CYP2S1: variants seen among roughly 807,000 people sequenced by gnomAD.
CYP2S1 encodes cytochrome P450 2S1.
Under a neutral mutation model 43.5 loss-of-function variants are expected in CYP2S1, and 32 were observed. That is an observed-to-expected ratio of 0.74 (90% CI 0.56 to 0.99). The LOEUF is 0.99. Among genes scored for constraint, CYP2S1 ranks in the 50% least tolerant of loss-of-function variants. The pLI is 0.00. For missense variants in CYP2S1, 575 were observed against 673.9 expected, an observed-to-expected ratio of 0.85 and a Z score of 1.62; for synonymous variants, 283 against 302.9, an observed-to-expected ratio of 0.93 and a Z score of 0.68.
At chr19:41,200,745 C>A (rs1318766153) in intron 5 of CYP2S1, among the ~76,000 whole-genome samples, 1 of 152,080 alleles carries the variant, frequency 6.6e-6, no homozygotes, top group African/African-American at 2.4e-5. Flanking sequence ...TGACTAATAA[C>A]AAAAACACAG....
Position 41,206,276 on chromosome 19 carries a change from C to T in CYP2S1, c.1307-4C>T. The T allele has an allele frequency of 6.2e-7, 1 of 1,613,976 alleles. No individual in the cohort carries two copies. Among genetic ancestry groups the T allele is most frequent in the Non-Finnish European group, 8.5e-7 (1 of 1,180,020 alleles). On this transcript the variant is annotated splice_region_variant and splice_polypyrimidine_tract_variant and intron_variant, in intron 8 of 8. Coordinates refer to ENST00000310054, the MANE Select transcript of CYP2S1 (RefSeq NM_030622.8). ...AGCCCTCTCTCTCTCTCTCTCCTCA[C>T]CAGGGAAGCGTGTCTGCCTTGGAGA...
At chr19:41,196,868 A>G (rs1352464240) in intron 2 of CYP2S1, among the ~76,000 whole-genome samples, 1 of 152,106 alleles carries the variant, frequency 6.6e-6, no homozygotes, top group East Asian at 1.9e-4. Flanking sequence ...GATGGAAGGA[A>G]GGAAGGAGGA....
Position 41,197,775 on chromosome 19 carries a change from G to T in CYP2S1, c.344-4G>T, listed in dbSNP as rs762417573. 8 of 1,613,802 alleles carry T rather than the reference G, an allele frequency of 5.0e-6. No individual in the cohort carries two copies. In the Admixed American group the frequency reaches 5.0e-5, roughly 10 times the overall value. On this transcript the variant is annotated splice_region_variant and splice_polypyrimidine_tract_variant and intron_variant, in intron 2 of 8. Transcript: ENST00000310054. ...TCCCTTTTTGAGTCTAGCCTTCTGCGCAGGGGTTTTCTTCTCCAACGGGGA... is the reference window on the plus strand; with the variant it reads ...TCCCTTTTTGAGTCTAGCCTTCTGCTCAGGGGTTTTCTTCTCCAACGGGGA...
rs1246434264 is a variant in CYP2S1 at position 41,206,352 on chromosome 19, C to T, written c.1379C>T (p.Ala460Val). Residue 460 changes from alanine (A) to valine (V), a missense_variant, in exon 9 of 9, where the codon GCC (alanine) becomes GTC (valine). Physicochemically the swap from Ala to Val is moderately conservative, Grantham distance 64. Transcript: ENST00000310054. ...CTCTTCTTCACCACCATCCTACAAG[C>T]CTTCTCCCTGGAGAGCCCGTGCCCG... ...LFLFFTTILQ[A>V]FSLESPCPPD... 6.2e-7 allele frequency: 1 copy of T among 1,614,040 alleles called. No individual in the cohort carries two copies. Among genetic ancestry groups the T allele is most frequent in the African/African-American group, 1.3e-5 (1 of 74,916 alleles).
intron 7 of CYP2S1, among the ~76,000 whole-genome samples, chr19:41,205,422 CTCTCTCTCTCTT>C (rs1219147682): frequency 0.013 from 454 of 33,744 alleles, 3 homozygotes; most frequent in African/African-American, 0.038. Context: ...CTTTCTTTCT[CTCTCTCTCTCTT>C]TCTTTCTTTT....
chr19:41,206,458 T>A lies in CYP2S1; in HGVS notation c.1485T>A (p.Thr495=), dbSNP rs756944997. The change falls in exon 9 of 9, where the codon ACT becomes ACA. Residue 495 remains threonine (T), a synonymous_variant. Coordinates refer to ENST00000310054, the MANE Select transcript of CYP2S1 (RefSeq NM_030622.8). ...PPAFQLQVRP[T]DLHSTTQTR is the part of the protein sequence containing the mutation. ...CCTTCCAGCTGCAAGTCCGTCCCAC[T>A]GACCTTCACTCCACCACGCAGACCA... 1.9e-6 allele frequency: 3 copies of A among 1,614,128 alleles called. No homozygotes were observed. In the South Asian group the frequency reaches 3.3e-5, roughly 18 times the overall value.
At chr19:41,197,646 G>C in intron 2 of CYP2S1, 133 bp from the exon 3 acceptor site, 1 of 1,364,144 alleles carries the variant, frequency 7.3e-7, no homozygotes, top group Non-Finnish European at 1.0e-6. Flanking sequence ...GTTGCAGTGA[G>C]ACGAGATCAC....
In CYP2S1 at chr19:41,193,491, G is replaced by A. The variant is rs575040372; in HGVS notation, c.177+50G>A. ...GCTAGGGGTGGGAGGATTCCTGGGA[G>A]AGAAACCCGAGTGCCAGGGTGAGGG... is the stretch of plus-strand genomic sequence containing the variant. On this transcript the variant is annotated intron_variant, in intron 1 of 8. Transcript: ENST00000310054. 10 of 1,392,728 alleles carry A rather than the reference G, an allele frequency of 7.2e-6. No individual in the cohort carries two copies. The African/African-American group carries it at 1.5e-4, about 21-fold the overall frequency. The allele number at this position is 1,392,728 out of a possible 1,614,324, so 86.3% of individuals were successfully genotyped here.
At chr19:41,200,897 C>T (rs533447344) in intron 5 of CYP2S1, among the ~76,000 whole-genome samples, 3 of 152,124 alleles carry the variant, frequency 2.0e-5, no homozygotes, top group Admixed American at 1.3e-4. Context: ...GGCCAACATG[C>T]AGAAACCCCG....
Position 41,206,630 on chromosome 19 carries a change from C to A in CYP2S1, c.*142C>A. ...TGCAGTTGTTTTCCGGAGTCTGTCC[C>A]ACGGCCCACACGCTCACTTGACTCA... On this transcript the variant is annotated 3_prime_UTR_variant, in exon 9 of 9. Transcript: ENST00000310054. The A allele has an allele frequency of 2.0e-6, 2 of 1,010,338 alleles. No homozygotes were observed. The highest frequency in any genetic ancestry group is 3.1e-6 in the Non-Finnish European group (2 of 641,366). The allele number at this position is 1,010,338 out of a possible 1,614,324, so 62.6% of individuals were successfully genotyped here.
At chr19:41,195,058 G>T (rs1488191356) in intron 2 of CYP2S1, among the ~76,000 whole-genome samples, 1 of 152,200 alleles carries the variant, frequency 6.6e-6, no homozygotes, top group East Asian at 1.9e-4. Context: ...AGATGTTGCA[G>T]TGAACCAAGA....
intron 7 of CYP2S1, among the ~76,000 whole-genome samples, chr19:41,205,437 TTTC>T (rs1479121483): frequency 1.8e-5 from 2 of 113,122 alleles, no homozygotes; most frequent in Non-Finnish European, 3.6e-5. Flanking sequence ...TCTCTCTTTC[TTTC>T]TTTTCTTTTT....
chr19:41,193,693 A>G (rs540286040), intron 1 of CYP2S1: 9 of 626,934 alleles, frequency 1.4e-5, no homozygotes, highest in African/African-American at 1.1e-4. Flanking sequence ...ACCTCTGCCT[A>G]CAGAATCCTG....
chr19:41,207,029 T>TACGGC lies in CYP2S1; in HGVS notation c.*541_*542insACGGC. On this transcript the variant is annotated 3_prime_UTR_variant, in exon 9 of 9. Transcript: ENST00000310054. ...TTGGCTACACCACTCTCCCAGCCTGTGACCACCGATGTCCACACACCCCCA... is the reference window on the plus strand; with the variant it reads ...TTGGCTACACCACTCTCCCAGCCTGTACGGCGACCACCGATGTCCACACACCCCCA... The TACGGC allele has an allele frequency of 3.2e-5, 8 of 246,596 alleles. No homozygotes were observed. The highest frequency in any genetic ancestry group is 5.8e-5 in the Non-Finnish European group (7 of 120,982). 15.3% of individuals were successfully genotyped at this position (246,596 alleles called of 1,614,324 possible).
chr19:41,193,974 G>C (rs773665783), intron 1 of CYP2S1, among the ~76,000 whole-genome samples: 28 of 152,156 alleles, frequency 1.8e-4, no homozygotes, highest in Non-Finnish European at 3.4e-4. Context: ...GTGGAGCTCA[G>C]TTGGGAGTTC....
In CYP2S1 at chr19:41,194,581, T is replaced by C; in HGVS notation, c.215T>C (p.Leu72Pro). 6.2e-7 allele frequency: 1 copy of C among 1,609,934 alleles called. No individual in the cohort carries two copies. The highest frequency in any genetic ancestry group is 8.5e-7 in the Non-Finnish European group (1 of 1,178,486). Residue 72 changes from leucine (L) to proline (P), a missense_variant, in exon 2 of 9, where the codon CTG becomes CCG. Transcript: ENST00000310054. ...TACGGACCGGTGTTCACCATCTACC[T>C]GGGACCCTGGCGGCCTGTGGTGGTC... ...KKYGPVFTIY[L>P]GPWRPVVVLV... is the part of the protein sequence containing the mutation.
intron 1 of CYP2S1, 91 bp from the exon 2 acceptor site, chr19:41,194,453 C>T (rs981115731): frequency 1.7e-5 from 24 of 1,442,498 alleles, no homozygotes; most frequent in Admixed American, 5.3e-5. Context: ...AAGCTAGACC[C>T]GGTGGCTCCT....
rs199728850 is a variant in CYP2S1 at position 41,194,664 on chromosome 19, G to A, written c.298G>A (p.Gly100Ser). Residue 100 changes from glycine (G) to serine (S), a missense_variant, in exon 2 of 9, where the codon GGC (glycine) becomes AGC (serine). By Grantham distance (56) the Gly-to-Ser change is moderately conservative (BLOSUM62 0). Coordinates refer to ENST00000310054, the MANE Select transcript of CYP2S1 (RefSeq NM_030622.8). ...GGGAGGTCAGGCTGAGGAGTTCAGC[G>A]GCCGGGGAACCGTAGCGATGCTGGA... ...ALGGQAEEFSGRGTVAMLEGT... is the reference protein window; with the variant it reads ...ALGGQAEEFSSRGTVAMLEGT... 106 of 1,612,352 alleles carry A rather than the reference G, an allele frequency of 6.6e-5. No individual in the cohort carries two copies. The highest frequency in any genetic ancestry group is 4.4e-5 in the Non-Finnish European group (52 of 1,179,338).
rs749013053 is a variant in CYP2S1, at chr19:41,201,343, T to C, written c.947T>C (p.Leu316Pro). The change falls in exon 6 of 9, where the codon CTG (leucine) becomes CCG (proline). Residue 316 changes from leucine to proline, a missense_variant. Coordinates refer to ENST00000310054, the MANE Select transcript of CYP2S1 (RefSeq NM_030622.8). ...AGCACCACGGTCGGCTATACCCTCC[T>C]GCTCCTGATGAAATACCCTCATGTC... Reference protein sequence around the residue: ...TVSTTVGYTLLLLMKYPHVQK... With the variant: ...TVSTTVGYTLPLLMKYPHVQK... The C allele has an allele frequency of 7.4e-5, 120 of 1,613,988 alleles. No individual in the cohort carries two copies. The highest frequency in any genetic ancestry group is 9.6e-5 in the Non-Finnish European group (113 of 1,180,030).
Sources: gnomAD v4.1 joint callset for allele counts (sites outside exome capture counted in the v4.1 genomes callset) on GRCh38, gnomAD v4.1.1 for gene constraint, MANE v1.5 for transcripts, NCBI Gene and HGNC (gene_info 2026-07-23, HGNC 2026-07-21) for gene names.